SPECC1: variants seen among roughly 807,000 people sequenced by gnomAD.
SPECC1 encodes sperm antigen with calponin homology and coiled-coil domains 1.
SPECC1 carries 62 observed loss-of-function variants against 104.1 expected under a neutral mutation model. The observed-to-expected ratio is 0.60, with a 90% CI of 0.49 to 0.74. SPECC1 has a LOEUF of 0.74. Among genes scored for constraint, SPECC1 ranks in the 30% least tolerant of loss-of-function variants. The pLI is 0.00. For synonymous variants in SPECC1, 513 were observed against 501.6 expected, an observed-to-expected ratio of 1.02 and a Z score of -0.30; for missense variants, 1,306 against 1,310.5, an observed-to-expected ratio of 1.00 and a Z score of 0.05.
At chr17:20,147,602 A>C (rs2031589138) in intron 3 of SPECC1, among the ~76,000 whole-genome samples, 1 of 152,204 alleles carries the variant, frequency 6.6e-6, no homozygotes, top group African/African-American at 2.4e-5. Context: ...TAGATGAAAA[A>C]AATTGGCTCT....
intron 2 of SPECC1, among the ~76,000 whole-genome samples, chr17:20,097,996 T>A (rs1027346174): frequency 6.6e-6 from 1 of 152,186 alleles, no homozygotes; most frequent in South Asian, 2.1e-4. Flanking sequence ...GACAGCCCTG[T>A]CCCCATTGAG....
chr17:20,157,639 C>T (rs2032721800), intron 3 of SPECC1, among the ~76,000 whole-genome samples: 1 of 152,120 alleles, frequency 6.6e-6, no homozygotes, highest in Non-Finnish European at 1.5e-5. Flanking sequence ...AAGAGTTACT[C>T]TTGTTACAGC....
chr17:20,168,206 A>G (rs2033816516), intron 3 of SPECC1, among the ~76,000 whole-genome samples: 1 of 152,230 alleles, frequency 6.6e-6, no homozygotes, highest in South Asian at 2.1e-4. Context: ...ACTAATGTAG[A>G]TGCTCTCCTT....
At chr17:20,164,301 C>T (rs1009152147) in intron 3 of SPECC1, among the ~76,000 whole-genome samples, 2 of 151,872 alleles carry the variant, frequency 1.3e-5, no homozygotes, top group Non-Finnish European at 2.9e-5. Context: ...GCTGGGACTA[C>T]AGGCAGTGCC....
At chr17:20,138,835 G>A (rs972417318) in intron 3 of SPECC1, among the ~76,000 whole-genome samples, 3 of 152,134 alleles carry the variant, frequency 2.0e-5, no homozygotes, top group Non-Finnish European at 2.9e-5. Context: ...ATAAATACTC[G>A]TGAAGCTTTG....
At chr17:20,170,477 C>A (rs1298083469) in intron 3 of SPECC1, among the ~76,000 whole-genome samples, 1 of 152,140 alleles carries the variant, frequency 6.6e-6, no homozygotes, top group Non-Finnish European at 1.5e-5. Context: ...TTTCCTCACC[C>A]CACACCACTA....
chr17:20,108,029 A>G (rs1044840959), intron 2 of SPECC1, among the ~76,000 whole-genome samples: 2 of 152,336 alleles, frequency 1.3e-5, no homozygotes, highest in South Asian at 4.1e-4. Flanking sequence ...TTCTACCGTC[A>G]TCCCTCTTGT....
intron 2 of SPECC1, among the ~76,000 whole-genome samples, chr17:20,104,577 T>C (rs2048095904): frequency 6.6e-6 from 1 of 151,524 alleles, no homozygotes; most frequent in Admixed American, 6.6e-5. Flanking sequence ...ATCCCGTCTC[T>C]ACTAAAAATA....
At chr17:20,049,415 C>T (rs906476586) in intron 1 of SPECC1, among the ~76,000 whole-genome samples, 5 of 152,058 alleles carry the variant, frequency 3.3e-5, no homozygotes, top group African/African-American at 1.2e-4. Flanking sequence ...CCCTGTCTCT[C>T]AAAAAATAAA....
At chr17:20,131,164 A>G (rs1310089991) in intron 3 of SPECC1, among the ~76,000 whole-genome samples, 2 of 152,172 alleles carry the variant, frequency 1.3e-5, no homozygotes, top group South Asian at 2.1e-4. Flanking sequence ...GTAAACAATC[A>G]TGTCATCTAC....
intron 5 of SPECC1, among the ~76,000 whole-genome samples, chr17:20,230,250 G>C (rs2038488874): frequency 6.6e-6 from 1 of 152,174 alleles, no homozygotes; most frequent in African/African-American, 2.4e-5. Flanking sequence ...GGTGTGCATG[G>C]CAACTCTCTG....
intron 1 of SPECC1, among the ~76,000 whole-genome samples, chr17:20,031,034 G>A (rs1427218791): frequency 3.3e-5 from 5 of 151,986 alleles, no homozygotes; most frequent in African/African-American, 9.7e-5. Flanking sequence ...TTGCTCTGTC[G>A]CCCAGGCTGG....
chr17:20,076,261 G>A (rs1055559925), intron 1 of SPECC1, among the ~76,000 whole-genome samples: 1 of 152,168 alleles, frequency 6.6e-6, no homozygotes, highest in Non-Finnish European at 1.5e-5. Flanking sequence ...GTGCAGTAGC[G>A]TGATCTCAGC....
intron 3 of SPECC1, among the ~76,000 whole-genome samples, chr17:20,163,073 G>A (rs1011501552): frequency 7.2e-5 from 11 of 152,124 alleles, no homozygotes; most frequent in Admixed American, 5.9e-4. Flanking sequence ...AATATCAATG[G>A]TAATACATAG....
chr17:20,062,317 C>T (rs978611714), intron 1 of SPECC1, among the ~76,000 whole-genome samples: 4 of 151,568 alleles, frequency 2.6e-5, no homozygotes, highest in Admixed American at 2.6e-4. Flanking sequence ...GTAGCATTAA[C>T]CTTTGTGCAT....
At chr17:20,140,563 C>T (rs554166016) in intron 3 of SPECC1, among the ~76,000 whole-genome samples, 1 of 152,270 alleles carries the variant, frequency 6.6e-6, no homozygotes, top group South Asian at 2.1e-4. Flanking sequence ...TTTGCAAGTA[C>T]AACTAGCATA....
At chr17:20,183,658 G>T (rs1414393234) in intron 3 of SPECC1, among the ~76,000 whole-genome samples, 1 of 152,116 alleles carries the variant, frequency 6.6e-6, no homozygotes, top group Admixed American at 6.5e-5. Flanking sequence ...ATGATGTCCA[G>T]ATTACTTATA....
chr17:20,209,423 A>C (rs1473009137), intron 4 of SPECC1, among the ~76,000 whole-genome samples: 1 of 152,208 alleles, frequency 6.6e-6, no homozygotes, highest in Non-Finnish European at 1.5e-5. Context: ...TTACTCAAGC[A>C]ACCCAGATAC....
intron 3 of SPECC1, among the ~76,000 whole-genome samples, chr17:20,196,373 T>G (rs1434004428): frequency 6.6e-6 from 1 of 152,332 alleles, no homozygotes; most frequent in African/African-American, 2.4e-5. Flanking sequence ...GAAGTGCAGA[T>G]AAGGGCTGAC....
Sources: gnomAD v4.1 joint callset for allele counts (sites outside exome capture counted in the v4.1 genomes callset) on GRCh38, gnomAD v4.1.1 for gene constraint, MANE v1.5 for transcripts, NCBI Gene and HGNC (gene_info 2026-07-23, HGNC 2026-07-21) for gene names.